GSE1: variants seen among roughly 807,000 people sequenced by gnomAD.
The protein encoded by GSE1 is genetic suppressor element 1.
GSE1 carries 32 observed loss-of-function variants against 112.6 expected under a neutral mutation model. The ratio of observed to expected loss-of-function variants is 0.28; its 90% CI spans 0.21 to 0.38. The LOEUF (loss-of-function observed/expected upper bound fraction) is 0.38. GSE1 is among the 10% of genes least tolerant of loss of function. The pLI is 1.00. For synonymous variants in GSE1, 1,115 were observed against 735.6 expected, an observed-to-expected ratio of 1.52 and a Z score of -8.35; for missense variants, 2,348 against 1,699.2, an observed-to-expected ratio of 1.38 and a Z score of -6.71.
At chr16:85,179,160 G>A (rs564182107) in intron 1 of GSE1, among the ~76,000 whole-genome samples, 14 of 152,094 alleles carry the variant, frequency 9.2e-5, no homozygotes, top group African/African-American at 3.4e-4. Context: ...GTCAATCCCC[G>A]TCGCCTCCTC....
At position 85,664,866 on chromosome 16, in the gene GSE1, T is replaced by G. The variant is rs1212610416; in HGVS notation, c.2645-149T>G. ...GCTCGCTTTGAGATGGTTGCTTCCT[T>G]TCAACTGGGCCTGCCCCATCACACC... On this transcript the variant is annotated intron_variant, in intron 11 of 15. Coordinates refer to ENST00000253458, the MANE Select transcript of GSE1 (RefSeq NM_014615.5). 4.9e-6 allele frequency: 3 copies of G among 614,344 alleles called. No homozygotes were observed. The African/African-American group carries it at 5.5e-5, about 11-fold the overall frequency. The allele number at this position is 614,344 out of a possible 1,614,324, so 38.1% of individuals were successfully genotyped here.
chr16:85,463,888 G>A (rs1237347448), intron 2 of GSE1, among the ~76,000 whole-genome samples: 2 of 152,150 alleles, frequency 1.3e-5, no homozygotes, highest in Admixed American at 6.5e-5. Flanking sequence ...GCTGAGGGGC[G>A]GCCAGAGTGA....
At chr16:85,644,576 G>A (rs934761709) in intron 2 of GSE1, among the ~76,000 whole-genome samples, 9 of 152,184 alleles carry the variant, frequency 5.9e-5, no homozygotes, top group East Asian at 1.9e-4. Flanking sequence ...AGGGCCACGC[G>A]GTGGGATTCC....
intron 2 of GSE1, among the ~76,000 whole-genome samples, chr16:85,388,344 CTGGATGGA>C (rs2047748037): frequency 5.9e-5 from 1 of 16,918 alleles, no homozygotes; most frequent in African/African-American, 2.6e-4. Flanking sequence ...GGATGTATGG[CTGGATGGA>C]TGGGTGAGTG....
intron 1 of GSE1, among the ~76,000 whole-genome samples, chr16:85,588,965 T>A (rs2046838855): frequency 6.6e-6 from 1 of 152,078 alleles, no homozygotes; most frequent in African/African-American, 2.4e-5. Flanking sequence ...ACACACACGT[T>A]CACACTAACA....
intron 2 of GSE1, among the ~76,000 whole-genome samples, chr16:85,473,325 G>T (rs947506621): frequency 1.3e-5 from 2 of 152,234 alleles, no homozygotes; most frequent in African/African-American, 2.4e-5. Flanking sequence ...CAGGGGCAGG[G>T]CCAGGAGCTG....
intron 1 of GSE1, among the ~76,000 whole-genome samples, chr16:85,243,191 A>G (rs1463451928): frequency 1.8e-4 from 27 of 152,196 alleles, no homozygotes; most frequent in Admixed American, 1.8e-3. Flanking sequence ...GATACAAATG[A>G]CCACACACTT....
chr16:85,518,526 G>T (rs2052030255), intron 2 of GSE1, among the ~76,000 whole-genome samples: 1 of 152,078 alleles, frequency 6.6e-6, no homozygotes, highest in Non-Finnish European at 1.5e-5. Context: ...GGGGCCTTCA[G>T]GGTGGGTCAC....
At chr16:85,426,056 T>TGGATGGATGGATGGAA (rs1555510016) in intron 2 of GSE1, among the ~76,000 whole-genome samples, 5,523 of 144,034 alleles carry the variant, frequency 0.038, 154 homozygotes, top group East Asian at 0.13. Context: ...GATGGATGGA[T>TGGATGGATGGATGGAA]GGATGGATGG....
chr16:85,197,099 G>A (rs2074941692), intron 1 of GSE1, among the ~76,000 whole-genome samples: 1 of 152,164 alleles, frequency 6.6e-6, no homozygotes, highest in African/African-American at 2.4e-5. Context: ...GCCATTTATT[G>A]AGCACCTCCT....
At chr16:85,511,327 G>T (rs2051738643) in intron 2 of GSE1, among the ~76,000 whole-genome samples, 5 of 152,186 alleles carry the variant, frequency 3.3e-5, no homozygotes, top group Admixed American at 3.3e-4. Flanking sequence ...AGGAGTTCGA[G>T]ACCAGCCCGA....
At chr16:85,310,759 C>T (rs999181549) in intron 1 of GSE1, among the ~76,000 whole-genome samples, 7 of 151,920 alleles carry the variant, frequency 4.6e-5, no homozygotes, top group African/African-American at 1.7e-4. Flanking sequence ...TTGAGGTGCT[C>T]GGAGCAACCT....
At chr16:85,615,784 C>T (rs150110233) in intron 1 of GSE1, among the ~76,000 whole-genome samples, 240 of 152,350 alleles carry the variant, frequency 1.6e-3, no homozygotes, top group African/African-American at 5.6e-3. Flanking sequence ...AAAACTGCTG[C>T]TGGCCAGGCC....
At chr16:85,303,989 A>G (rs1335823171) in intron 1 of GSE1, among the ~76,000 whole-genome samples, 1 of 152,190 alleles carries the variant, frequency 6.6e-6, no homozygotes, top group Non-Finnish European at 1.5e-5. Flanking sequence ...ACAGGACCCC[A>G]GTGGTCTAGG....
Position 85,668,223 on chromosome 16 carries a change from A to C in GSE1, c.3214A>C (p.Ser1072Arg), listed in dbSNP as rs1408505269. 4 of 1,610,780 alleles carry C rather than the reference A, an allele frequency of 2.5e-6. No homozygotes were observed. Among genetic ancestry groups the C allele is most frequent in the Middle Eastern group, 1.7e-4 (1 of 6,042 alleles). ...HYNIPELQSS[S>R]RAPPPQHNGQ... Reference sequence around the variant, plus strand: ...CAACATTCCTGAGCTGCAGTCCTCCAGCCGCGCCCCTCCACCCCAGCACAA... The same window carrying C: ...CAACATTCCTGAGCTGCAGTCCTCCCGCCGCGCCCCTCCACCCCAGCACAA... Residue 1072 changes from serine to arginine, a missense_variant, in exon 14 of 16, where the codon AGC becomes CGC. Ser to Arg is a moderately radical substitution (Grantham distance 110, BLOSUM62 -1). Transcript: ENST00000253458.
chr16:85,423,675 T>C (rs1379706400), intron 2 of GSE1, among the ~76,000 whole-genome samples: 1 of 151,800 alleles, frequency 6.6e-6, no homozygotes, highest in African/African-American at 2.4e-5. Context: ...GTGTCCAGAG[T>C]GGGAGTCTTA....
chr16:85,550,860 C>T (rs891220538), intron 2 of GSE1, among the ~76,000 whole-genome samples: 3 of 152,202 alleles, frequency 2.0e-5, no homozygotes, highest in East Asian at 1.9e-4. Context: ...GGGGATCCGG[C>T]GGGCCGCATG....
intron 1 of GSE1, among the ~76,000 whole-genome samples, chr16:85,236,333 T>C (rs990301891): frequency 1.2e-4 from 18 of 152,194 alleles, no homozygotes; most frequent in African/African-American, 4.3e-4. Context: ...AATAAGGATC[T>C]GAGTGTGGTC....
chr16:85,438,361 G>A (rs1460093262), intron 2 of GSE1, among the ~76,000 whole-genome samples: 1 of 152,220 alleles, frequency 6.6e-6, no homozygotes, highest in African/African-American at 2.4e-5. Context: ...GGCCTCTGGG[G>A]AGGGACAGGA....
Sources: gnomAD v4.1 joint callset for allele counts (sites outside exome capture counted in the v4.1 genomes callset) on GRCh38, gnomAD v4.1.1 for gene constraint, MANE v1.5 for transcripts, NCBI Gene and HGNC (gene_info 2026-07-23, HGNC 2026-07-21) for gene names.